The following AOAH variants were observed in gnomAD, a reference collection of about 807,000 sequenced individuals.
The protein encoded by AOAH is acyloxyacyl hydrolase (neutrophil).
AOAH carries 64 observed loss-of-function variants against 92.2 expected under a neutral mutation model. The observed-to-expected ratio is 0.69, with a 90% CI of 0.57 to 0.86. The LOEUF (loss-of-function observed/expected upper bound fraction) is 0.86, where lower values mean the gene tolerates loss of function less well. Ranked by LOEUF, AOAH falls within the 40% of genes least tolerant of loss-of-function variation. The pLI is 0.00. For missense variants in AOAH, 656 were observed against 694.6 expected, an observed-to-expected ratio of 0.94 and a Z score of 0.62; for synonymous variants, 263 against 254.5, an observed-to-expected ratio of 1.03 and a Z score of -0.32.
At chr7:36,707,302 C>A (rs1798481923) in intron 1 of AOAH, among the ~76,000 whole-genome samples, 1 of 152,030 alleles carries the variant, frequency 6.6e-6, no homozygotes, top group South Asian at 2.1e-4. Flanking sequence ...ACAGTCAGAA[C>A]ACACACATTT....
chr7:36,539,037 G>T (rs1483447021), intron 16 of AOAH, among the ~76,000 whole-genome samples: 1 of 152,218 alleles, frequency 6.6e-6, no homozygotes, highest in East Asian at 1.9e-4. Context: ...TGAGGGAGAA[G>T]TGGGGTGTTT....
chr7:36,593,822 A>G (rs1298085843), intron 12 of AOAH, among the ~76,000 whole-genome samples: 1 of 152,180 alleles, frequency 6.6e-6, no homozygotes, highest in Non-Finnish European at 1.5e-5. Flanking sequence ...TTTCACCAGC[A>G]TCACAGGTGT....
chr7:36,522,333 A>G (rs1784148578), intron 19 of AOAH, among the ~76,000 whole-genome samples: 1 of 152,194 alleles, frequency 6.6e-6, no homozygotes, highest in Non-Finnish European at 1.5e-5. Flanking sequence ...AATACGTGAG[A>G]GCATTGGATG....
At chr7:36,532,471 G>C (rs1784755404) in intron 16 of AOAH, 127 bp from the exon 17 acceptor site, 7 of 851,104 alleles carry the variant, frequency 8.2e-6, no homozygotes, top group Non-Finnish European at 1.4e-5. Context: ...GATTTTTCAT[G>C]CAGCATTGCT....
At chr7:36,696,243 T>G (rs145143183) in intron 1 of AOAH, among the ~76,000 whole-genome samples, 1 of 152,184 alleles carries the variant, frequency 6.6e-6, no homozygotes, top group African/African-American at 2.4e-5. Context: ...TTCTTCAAAA[T>G]TGTGGCTGTT....
chr7:36,618,447 G>T, intron 9 of AOAH, 102 bp from the exon 10 acceptor site: 1 of 1,027,634 alleles, frequency 9.7e-7, no homozygotes, highest in Non-Finnish European at 1.5e-6. Flanking sequence ...AGGCAAATGA[G>T]TAGATAAAAC....
chr7:36,637,078 A>G (rs73687594), intron 5 of AOAH, among the ~76,000 whole-genome samples: 4,831 of 152,274 alleles, frequency 0.032, 254 homozygotes, highest in African/African-American at 0.11. Flanking sequence ...TCCTTTTCAA[A>G]TGGGCTGATT....
chr7:36,721,010 G>A (rs189763772), intron 1 of AOAH, among the ~76,000 whole-genome samples: 2 of 152,270 alleles, frequency 1.3e-5, no homozygotes, highest in African/African-American at 4.8e-5. Context: ...CCCACCAGCT[G>A]CGAGAGAGCG....
At chr7:36,704,064 T>C (rs1798220128) in intron 1 of AOAH, among the ~76,000 whole-genome samples, 1 of 152,222 alleles carries the variant, frequency 6.6e-6, no homozygotes, top group Admixed American at 6.5e-5. Flanking sequence ...TGAGATGGTA[T>C]CTCATTGTGG....
intron 11 of AOAH, among the ~76,000 whole-genome samples, chr7:36,611,655 G>A (rs2247298): frequency 0.25 from 38,148 of 151,942 alleles, 5,166 homozygotes; most frequent in East Asian, 0.42. Context: ...AGGTTACGAA[G>A]ACACTCCTTT....
Position 36,674,980 on chromosome 7 carries a change from T to C in AOAH, c.224-971A>G, listed in dbSNP as rs145216169. ...TTTAAATACACTGTGCTCGGCTGGG[T>C]GCAGCGGCTCACGCCTGTAATCCCA... On this transcript the variant is annotated intron_variant, in intron 2 of 20. Transcript: ENST00000617537. Among the ~76,000 whole-genome samples, 524 of 152,370 alleles carry C rather than the reference T, an allele frequency of 3.4e-3. 4 individuals carry two copies. Among genetic ancestry groups the C allele is most frequent in the African/African-American group, 0.012 (510 of 41,592 alleles).
At chr7:36,550,738 G>A (rs1373406070) in intron 13 of AOAH, among the ~76,000 whole-genome samples, 1 of 152,196 alleles carries the variant, frequency 6.6e-6, no homozygotes, top group African/African-American at 2.4e-5. Context: ...GGACCGAGTT[G>A]GAGAAATACC....
intron 12 of AOAH, among the ~76,000 whole-genome samples, chr7:36,578,715 T>C (rs1788705987): frequency 6.6e-6 from 1 of 152,166 alleles, no homozygotes; most frequent in Non-Finnish European, 1.5e-5. Flanking sequence ...TAATCAATGA[T>C]TGCTTTCTAA....
intron 2 of AOAH, among the ~76,000 whole-genome samples, chr7:36,677,823 T>C (rs1187311533): frequency 6.6e-6 from 1 of 152,164 alleles, no homozygotes; most frequent in Non-Finnish European, 1.5e-5. Context: ...TCTAAAACAC[T>C]ATGCTAAGGG....
rs745475717 is a variant in AOAH, at chr7:36,674,028, G to A, written c.224-19C>T. On this transcript the variant is annotated intron_variant, in intron 2 of 20. Transcript: ENST00000617537. ...AGTTTTTCTAAAAAATATAAAGAGG[G>A]AAATTGAATATATTTTTATTGCGAC... The A allele has an allele frequency of 1.1e-4, 165 of 1,461,848 alleles. No individual in the cohort carries two copies. Among genetic ancestry groups the A allele is most frequent in the Non-Finnish European group, 1.5e-4 (161 of 1,043,894 alleles). The allele number at this position is 1,461,848 out of a possible 1,614,324, so 90.6% of individuals were successfully genotyped here.
intron 5 of AOAH, among the ~76,000 whole-genome samples, chr7:36,633,140 C>T (rs1793255097): frequency 6.6e-6 from 1 of 152,188 alleles, no homozygotes; most frequent in Non-Finnish European, 1.5e-5. Flanking sequence ...GGGATAGAGG[C>T]AGGTGGGGAG....
chr7:36,708,769 A>C (rs1246571281), intron 1 of AOAH, among the ~76,000 whole-genome samples: 1 of 152,084 alleles, frequency 6.6e-6, no homozygotes, highest in Non-Finnish European at 1.5e-5. Context: ...AGTTTTTTAC[A>C]TCTCTGCTCA....
At chr7:36,661,333 TC>T (rs1795202078) in intron 3 of AOAH, 1 of 152,224 alleles carries the variant, frequency 6.6e-6, no homozygotes, top group Non-Finnish European at 1.5e-5. Flanking sequence ...GATAGTGCTG[TC>T]GTAATTTCCT....
intron 1 of AOAH, among the ~76,000 whole-genome samples, chr7:36,711,678 T>A (rs566337094): frequency 6.6e-6 from 1 of 152,318 alleles, no homozygotes; most frequent in South Asian, 2.1e-4. Context: ...AAAGGGCACG[T>A]GCAGAGGGCA....
Sources: gnomAD v4.1 joint callset for allele counts (sites outside exome capture counted in the v4.1 genomes callset) on GRCh38, gnomAD v4.1.1 for gene constraint, MANE v1.5 for transcripts, NCBI Gene and HGNC (gene_info 2026-07-23, HGNC 2026-07-21) for gene names.